The following DOCK3 variants were observed in gnomAD, a reference collection of about 807,000 sequenced individuals.
The protein encoded by DOCK3 is dedicator of cytokinesis 3.
A neutral mutation model predicts 265.6 loss-of-function variants in DOCK3; 60 were observed. That is an observed-to-expected ratio of 0.23 (90% CI 0.18 to 0.28). The LOEUF (loss-of-function observed/expected upper bound fraction) is 0.28. Among genes scored for constraint, DOCK3 ranks in the 10% least tolerant of loss-of-function variants. The pLI is 1.00. For synonymous variants in DOCK3, 881 were observed against 938.0 expected (o/e 0.94, Z 1.11); for missense variants, 1,981 against 2,594.3 (o/e 0.76, Z 5.14).
chr3:51,085,762 C>A, intron 7 of DOCK3, among the ~76,000 whole-genome samples: 1 of 151,028 alleles, frequency 6.6e-6, no homozygotes, highest in African/African-American at 2.4e-5. Flanking sequence ...CTTAAGGACC[C>A]CAAAAAAGGA....
Position 51,381,627 on chromosome 3 carries a change from C to A in DOCK3, c.*68C>A. The A allele has an allele frequency of 7.0e-7, 1 of 1,436,962 alleles. No homozygotes were observed. The highest frequency in any genetic ancestry group is 9.1e-7 in the Non-Finnish European group (1 of 1,099,984). The allele number at this position is 1,436,962 out of a possible 1,614,324, so 89.0% of individuals were successfully genotyped here. On this transcript the variant is annotated 3_prime_UTR_variant, in exon 53 of 53. Coordinates refer to ENST00000266037, the MANE Select transcript of DOCK3 (RefSeq NM_004947.5). The surrounding 1 kb of genome is among the most constrained non-coding windows in gnomAD (Gnocchi z 5.6). ...TGCCAATCACTCCAGGTCTGAAAAG[C>A]AAGTCCCCCAGCCCCACCCCAGGGA...
chr3:51,259,963 GC>G (rs1204164474), intron 22 of DOCK3, among the ~76,000 whole-genome samples, 192 bp from the exon 23 acceptor site: 2 of 152,188 alleles, frequency 1.3e-5, no homozygotes, highest in Non-Finnish European at 2.9e-5. Flanking sequence ...GAAGGTAGCT[GC>G]TGCTTAGTGA....
At chr3:50,851,229 A>G (rs1456599632) in intron 3 of DOCK3, among the ~76,000 whole-genome samples, 5 of 152,030 alleles carry the variant, frequency 3.3e-5, no homozygotes, top group Non-Finnish European at 5.9e-5. Context: ...CTGCCTGGGC[A>G]TGTAGCAGGG....
chr3:51,100,048 T>G (rs1576073394), intron 9 of DOCK3, among the ~76,000 whole-genome samples: 1 of 151,174 alleles, frequency 6.6e-6, no homozygotes, highest in Non-Finnish European at 1.5e-5. Context: ...AAAAACTAGA[T>G]AAAGAAAGAA....
chr3:51,002,434 G>A (rs560548938), intron 5 of DOCK3, among the ~76,000 whole-genome samples: 24 of 152,100 alleles, frequency 1.6e-4, no homozygotes, highest in Non-Finnish European at 2.8e-4. Context: ...CACAGCAAAA[G>A]TTTCAAATTT....
intron 10 of DOCK3, among the ~76,000 whole-genome samples, chr3:51,147,816 T>G (rs1017635598): frequency 2.0e-5 from 3 of 152,238 alleles, no homozygotes; most frequent in South Asian, 4.1e-4. Context: ...TCCATGTGTC[T>G]TAATAGTAGC....
rs114398045 is a variant in DOCK3, at chr3:50,901,235, C to T, written c.218+11154C>T. On this transcript the variant is annotated intron_variant, in intron 4 of 52. Transcript: ENST00000266037. ...GGCTTTGCTGAACTACAGTGGGCTC[C>T]ACCCAGTTTGAACTTCCTGATGGCT... 6.6e-3 allele frequency among the ~76,000 whole-genome samples: 998 copies of T among 152,258 alleles called. 6 individuals carry two copies. The highest frequency in any genetic ancestry group is 0.022 in the African/African-American group (933 of 41,564).
intron 2 of DOCK3, among the ~76,000 whole-genome samples, chr3:50,782,289 A>ATTT (rs71084112): frequency 0.76 from 82,419 of 109,088 alleles, 32,573 homozygotes; most frequent in South Asian, 0.88. Flanking sequence ...AGTACCTGTT[A>ATTT]TTTTTTTTTT....
At chr3:50,767,090 T>A (rs866498919) in intron 1 of DOCK3, among the ~76,000 whole-genome samples, 2 of 152,208 alleles carry the variant, frequency 1.3e-5, no homozygotes, top group African/African-American at 2.4e-5. Context: ...CTGATGGTAG[T>A]TTCTTTTGCT....
intron 2 of DOCK3, among the ~76,000 whole-genome samples, chr3:50,837,126 C>A (rs2045556996): frequency 6.6e-6 from 1 of 152,320 alleles, no homozygotes; most frequent in South Asian, 2.1e-4. Context: ...TAGGAAGTTC[C>A]AGACTTTTCC....
intron 5 of DOCK3, among the ~76,000 whole-genome samples, chr3:51,001,158 T>C (rs2078471314): frequency 6.6e-6 from 1 of 152,258 alleles, no homozygotes; most frequent in South Asian, 2.1e-4. Context: ...GATATTAATC[T>C]GGTGTTTTTG....
At chr3:50,918,582 C>A (rs1054187983) in intron 4 of DOCK3, among the ~76,000 whole-genome samples, 6 of 151,802 alleles carry the variant, frequency 4.0e-5, no homozygotes, top group African/African-American at 1.5e-4. Context: ...CTGTTCATAT[C>A]CTTTGCCCAC....
Position 50,727,562 on chromosome 3 carries a change from G to A in DOCK3, c.38-51113G>A, listed in dbSNP as rs554125750. Among the ~76,000 whole-genome samples, 7 of 152,272 alleles carry A rather than the reference G, an allele frequency of 4.6e-5. No individual in the cohort carries two copies. In the East Asian group the frequency reaches 5.8e-4, roughly 13 times the overall value. On this transcript the variant is annotated intron_variant, in intron 1 of 52. Transcript: ENST00000266037. The stretch of plus-strand genomic sequence containing the variant: ...AAAATACAAAAATTAGCTGGGTGTG[G>A]TGGCACGTGCCTATAATCCCAGATA...
At chr3:50,803,415 C>G (rs2043175684) in intron 2 of DOCK3, among the ~76,000 whole-genome samples, 1 of 152,122 alleles carries the variant, frequency 6.6e-6, no homozygotes, top group Non-Finnish European at 1.5e-5. Context: ...TAACAGCATC[C>G]CAAGGCAGAA....
chr3:51,290,415 C>G (rs906037050), intron 27 of DOCK3, among the ~76,000 whole-genome samples: 2 of 152,116 alleles, frequency 1.3e-5, no homozygotes, highest in African/African-American at 4.8e-5. Flanking sequence ...AACCATCATT[C>G]TCAGCAAACT....
At chr3:51,307,473 G>A (rs1298856939) in intron 27 of DOCK3, among the ~76,000 whole-genome samples, 2 of 152,120 alleles carry the variant, frequency 1.3e-5, no homozygotes, top group African/African-American at 2.4e-5. Flanking sequence ...TCTCCATGCA[G>A]TTAGTTAATG....
intron 12 of DOCK3, among the ~76,000 whole-genome samples, chr3:51,163,466 A>G (rs1041888254): frequency 3.9e-5 from 6 of 152,276 alleles, no homozygotes; most frequent in East Asian, 1.9e-4. Flanking sequence ...CTAATGAGTC[A>G]AAAGCCTTAA....
At chr3:50,762,902 T>C (rs538435503) in intron 1 of DOCK3, among the ~76,000 whole-genome samples, 1 of 152,186 alleles carries the variant, frequency 6.6e-6, no homozygotes, top group Non-Finnish European at 1.5e-5. Flanking sequence ...TTCCTTTTTT[T>C]ATTTTTTTAA....
At chr3:51,135,442 C>T (rs1041432565) in intron 9 of DOCK3, among the ~76,000 whole-genome samples, 1 of 152,198 alleles carries the variant, frequency 6.6e-6, no homozygotes. Context: ...CTTTCAGAGC[C>T]TCTCTAAGGC....
Sources: gnomAD v4.1 joint callset for allele counts (sites outside exome capture counted in the v4.1 genomes callset) on GRCh38, gnomAD v4.1.1 for gene constraint, Gnocchi (gnomAD v3.1) non-coding constraint, MANE v1.5 for transcripts, NCBI Gene and HGNC (gene_info 2026-07-23, HGNC 2026-07-21) for gene names.